Variants in TBC1D16 observed in about 807,000 individuals in gnomAD.
TBC1D16 encodes CTD-2529O21.1.
TBC1D16 carries 58 observed loss-of-function variants against 74.7 expected under a neutral mutation model. The observed-to-expected ratio is 0.78, with a 90% CI of 0.63 to 0.97. TBC1D16 has a LOEUF of 0.97. Ranked by LOEUF, TBC1D16 falls within the 50% of genes least tolerant of loss-of-function variation. The probability of loss-of-function intolerance (pLI) is 0.00; values close to 1 mark genes in which losing one functional copy is unlikely to be tolerated. For synonymous variants in TBC1D16, 493 were observed against 474.7 expected, an observed-to-expected ratio of 1.04 and a Z score of -0.50; for missense variants, 1,014 against 1,079.5, an observed-to-expected ratio of 0.94 and a Z score of 0.85.
At chr17:79,992,008 G>A (rs2035082166) in intron 3 of TBC1D16, 1 of 152,270 alleles carries the variant, frequency 6.6e-6, no homozygotes, top group African/African-American at 2.4e-5. Flanking sequence ...CCCCATCCTC[G>A]CCGGACCTCA....
rs1479239111 is a variant in TBC1D16 at position 79,951,445 on chromosome 17, G to A, written c.1089+5C>T. 2 of 1,612,820 alleles carry A rather than the reference G, an allele frequency of 1.2e-6. No individual in the cohort carries two copies. Among genetic ancestry groups the A allele is most frequent in the Non-Finnish European group, 1.7e-6 (2 of 1,179,350 alleles). ...TGGGCATTCTGGGGCCGTCTGCTGG[G>A]CTACCTGGTCTTTGAGCTGCATCTC... is the stretch of plus-strand genomic sequence containing the variant. On this transcript the variant is annotated splice_donor_5th_base_variant and intron_variant, in intron 5 of 11. Coordinates refer to ENST00000310924, the MANE Select transcript of TBC1D16 (RefSeq NM_019020.4).
At chr17:79,948,443 G>A (rs750257113) in intron 8 of TBC1D16, among the ~76,000 whole-genome samples, 1 of 152,224 alleles carries the variant, frequency 6.6e-6, no homozygotes, top group Non-Finnish European at 1.5e-5. Flanking sequence ...GGGTGGGCTG[G>A]CAGGGACATT....
intron 1 of TBC1D16, among the ~76,000 whole-genome samples, chr17:80,034,934 T>G (rs979541685): frequency 6.6e-6 from 1 of 152,240 alleles, no homozygotes; most frequent in African/African-American, 2.4e-5. Flanking sequence ...AAGCAGATCT[T>G]CAGGATCAAG....
rs1332074439 is a variant in TBC1D16 at position 79,941,877 on chromosome 17, G to T, written c.2055+183C>A. ...AGGCCGAGACAGGTGCTGACCACGA[G>T]GCCTTAGTGGGGAGCCCCCAGTGCT... On this transcript the variant is annotated intron_variant, in intron 11 of 11. Transcript: ENST00000310924. The surrounding 1 kb of genome is among the most constrained non-coding windows in gnomAD (Gnocchi z 4.3). Among the ~76,000 whole-genome samples, 2 of 150,622 alleles carry T rather than the reference G, an allele frequency of 1.3e-5. No individual in the cohort carries two copies. The highest frequency in any genetic ancestry group is 5.0e-5 in the African/African-American group (2 of 40,058).
At chr17:80,027,199 T>C (rs563819062) in intron 1 of TBC1D16, among the ~76,000 whole-genome samples, 3 of 152,334 alleles carry the variant, frequency 2.0e-5, no homozygotes, top group Admixed American at 6.5e-5. Context: ...CGGTAGCTCA[T>C]GTCTGCAATC....
chr17:80,030,971 G>A (rs1486892299), intron 1 of TBC1D16, among the ~76,000 whole-genome samples: 2 of 152,204 alleles, frequency 1.3e-5, no homozygotes, highest in Admixed American at 6.5e-5. Flanking sequence ...TATTAAACAC[G>A]AGCCAGACAC....
chr17:80,027,855 GCACTC>G (rs2036634391), intron 1 of TBC1D16, among the ~76,000 whole-genome samples: 1 of 132,686 alleles, frequency 7.5e-6, no homozygotes, highest in Non-Finnish European at 1.5e-5. Context: ...TCGCACCACT[GCACTC>G]CAGCCTGGGC....
chr17:79,932,360 C>T lies in TBC1D16; in HGVS notation c.*8499G>A, dbSNP rs2031306921. On this transcript the variant is annotated 3_prime_UTR_variant, in exon 12 of 12. Coordinates refer to ENST00000310924, the MANE Select transcript of TBC1D16 (RefSeq NM_019020.4). Reference sequence around the variant, plus strand: ...AACCTGGGTGACACTTATTATCCTTCAGTCTTTATTTTAAATAAGGCCCCT... The same window carrying T: ...AACCTGGGTGACACTTATTATCCTTTAGTCTTTATTTTAAATAAGGCCCCT... 6.6e-6 allele frequency: 1 copy of T among 152,256 alleles called. No homozygotes were observed. Among genetic ancestry groups the T allele is most frequent in the Non-Finnish European group, 1.5e-5 (1 of 68,054 alleles). 9.4% of individuals were successfully genotyped at this position (152,256 alleles called of 1,614,324 possible).
At position 79,944,359 on chromosome 17, in the gene TBC1D16, T is replaced by C. The variant is rs1239658882; in HGVS notation, c.1908+549A>G. ...GTCCCTAGTTTGGGCGTTAAGGCCA[T>C]GTGACAGAGCCAGTGCTGTGCTCCA... On this transcript the variant is annotated intron_variant, in intron 10 of 11. Coordinates refer to ENST00000310924, the MANE Select transcript of TBC1D16 (RefSeq NM_019020.4). This position sits in a 1 kb window ranked among gnomAD's most constrained non-coding sequence, Gnocchi z 7.7. Among the ~76,000 whole-genome samples, 1 of 152,170 alleles carries C rather than the reference T, an allele frequency of 6.6e-6. No homozygotes were observed. Among genetic ancestry groups the C allele is most frequent in the Non-Finnish European group, 1.5e-5 (1 of 68,024 alleles).
chr17:79,944,002 G>A lies in TBC1D16; in HGVS notation c.1908+906C>T. On this transcript the variant is annotated intron_variant, in intron 10 of 11. Coordinates refer to ENST00000310924, the MANE Select transcript of TBC1D16 (RefSeq NM_019020.4). This position sits in a 1 kb window ranked among gnomAD's most constrained non-coding sequence, Gnocchi z 7.7. ...CACGTCCAGCAGGCTGAGCCAGGAG[G>A]GAAACCTAGACCCGGGCCAGGGGCG... 6.5e-7 allele frequency: 1 copy of A among 1,531,394 alleles called. No individual in the cohort carries two copies. Among genetic ancestry groups the A allele is most frequent in the Non-Finnish European group, 8.7e-7 (1 of 1,143,380 alleles). 94.9% of individuals were successfully genotyped at this position (1,531,394 alleles called of 1,614,324 possible).
Position 79,983,619 on chromosome 17 carries a change from CAT to C in TBC1D16, c.779+26539_779+26540del, listed in dbSNP as rs1265774769. Among the ~76,000 whole-genome samples, 3 of 152,214 alleles carry C rather than the reference CAT, an allele frequency of 2.0e-5. No individual in the cohort carries two copies. Among genetic ancestry groups the C allele is most frequent in the Non-Finnish European group, 4.4e-5 (3 of 68,022 alleles). On this transcript the variant is annotated intron_variant, in intron 3 of 11. Coordinates refer to ENST00000310924, the MANE Select transcript of TBC1D16 (RefSeq NM_019020.4). This position sits in a 1 kb window ranked among gnomAD's most constrained non-coding sequence, Gnocchi z 5.6. ...GCAAGGCAGAATGTTGAGAAGTGCACATGTGTGCAAAGCCTGCTTTAGGAGAG... is the reference window on the plus strand; with the variant it reads ...GCAAGGCAGAATGTTGAGAAGTGCACGTGTGCAAAGCCTGCTTTAGGAGAG...
In TBC1D16 at chr17:79,990,832, T is replaced by A. The variant is rs2035029611; in HGVS notation, c.779+19328A>T. On this transcript the variant is annotated intron_variant, in intron 3 of 11. Transcript: ENST00000310924. This position sits in a 1 kb window ranked among gnomAD's most constrained non-coding sequence, Gnocchi z 4.8. ...CTCCAGGGGTCGCACACAAGTGGAA[T>A]CACACAGATTTGGCCCCTTATGTCT... 6.6e-6 allele frequency among the ~76,000 whole-genome samples: 1 copy of A among 152,180 alleles called. No individual in the cohort carries two copies. The highest frequency in any genetic ancestry group is 2.1e-4 in the South Asian group (1 of 4,832).
chr17:80,034,156 T>A (rs1468263318), intron 1 of TBC1D16, among the ~76,000 whole-genome samples: 1 of 152,162 alleles, frequency 6.6e-6, no homozygotes, highest in Non-Finnish European at 1.5e-5. Context: ...TCACCAAAAT[T>A]GCTAGAGGAT....
rs1385010348 is a variant in TBC1D16 at position 79,961,859 on chromosome 17, A to G, written c.780-9041T>C. 6.6e-6 allele frequency among the ~76,000 whole-genome samples: 1 copy of G among 152,202 alleles called. No individual in the cohort carries two copies. Among genetic ancestry groups the G allele is most frequent in the Non-Finnish European group, 1.5e-5 (1 of 68,030 alleles). ...GCCTAGGCAAGAAGAGCAAAACTCC[A>G]TCTCAAAAAAATAAAAATAAAAATA... On this transcript the variant is annotated intron_variant, in intron 3 of 11. Coordinates refer to ENST00000310924, the MANE Select transcript of TBC1D16 (RefSeq NM_019020.4). This position sits in a 1 kb window ranked among gnomAD's most constrained non-coding sequence, Gnocchi z 4.8.
rs1335316067 is a variant in TBC1D16 at position 79,990,780 on chromosome 17, C to A, written c.779+19380G>T. Among the ~76,000 whole-genome samples, 1 of 152,226 alleles carries A rather than the reference C, an allele frequency of 6.6e-6. No homozygotes were observed. Among genetic ancestry groups the A allele is most frequent in the Admixed American group, 6.5e-5 (1 of 15,280 alleles). ...TCCCCTCCCTCAGCCCCTGGCACCC[C>A]AATCTTTCCCTCTCTGAGCCTGACA... On this transcript the variant is annotated intron_variant, in intron 3 of 11. Coordinates refer to ENST00000310924, the MANE Select transcript of TBC1D16 (RefSeq NM_019020.4). The surrounding 1 kb of genome is among the most constrained non-coding windows in gnomAD (Gnocchi z 4.8).
chr17:79,949,821 G>C lies in TBC1D16; in HGVS notation c.1302C>G (p.Val434=), dbSNP rs1472074987. ...GGIDVSIRGE[V]WPFLLRYYSH... is the part of the protein sequence containing the mutation. ...TGTAATAGCGCAGCAGGAAGGGCCAGACCTCCCCGCGGATTGACACATCAA... is the reference window on the plus strand; with the variant it reads ...TGTAATAGCGCAGCAGGAAGGGCCACACCTCCCCGCGGATTGACACATCAA... Residue 434 remains valine, a synonymous_variant, in exon 7 of 12, where the codon GTC becomes GTG. Transcript: ENST00000310924. 4 of 1,613,810 alleles carry C rather than the reference G, an allele frequency of 2.5e-6. No individual in the cohort carries two copies. In the South Asian group the frequency reaches 3.3e-5, roughly 13 times the overall value.
intron 3 of TBC1D16, chr17:79,992,114 GACGCCTCTCTGCAGGCTCCCCTC>G (rs2035088180): frequency 6.6e-6 from 1 of 152,294 alleles, no homozygotes; most frequent in Non-Finnish European, 1.5e-5. Flanking sequence ...ACCCTACAAA[GACGCCTCTCTGCAGGCTCCCCTC>G]ATGCTGCGGG....
At chr17:80,013,009 C>A (rs558927055) in intron 2 of TBC1D16, among the ~76,000 whole-genome samples, 79 of 152,336 alleles carry the variant, frequency 5.2e-4, no homozygotes, top group Non-Finnish European at 9.6e-4. Context: ...GGGGCCCTGG[C>A]CACTCCCATG....
Position 79,944,119 on chromosome 17 carries a change from G to A in TBC1D16, c.1908+789C>T, listed in dbSNP as rs552770058. On this transcript the variant is annotated intron_variant, in intron 10 of 11. Transcript: ENST00000310924. The surrounding 1 kb of genome is among the most constrained non-coding windows in gnomAD (Gnocchi z 7.7). ...CAGACATCAGCCCCCTGCGGTGTGAGTGAGGACAGGAGACGCTGACGCAAA... is the reference window on the plus strand; with the variant it reads ...CAGACATCAGCCCCCTGCGGTGTGAATGAGGACAGGAGACGCTGACGCAAA... 1.3e-6 allele frequency: 2 copies of A among 1,536,068 alleles called. No homozygotes were observed. Among genetic ancestry groups the A allele is most frequent in the Middle Eastern group, 1.7e-4 (1 of 5,990 alleles).
Sources: gnomAD v4.1 joint callset for allele counts (sites outside exome capture counted in the v4.1 genomes callset) on GRCh38, gnomAD v4.1.1 for gene constraint, Gnocchi (gnomAD v3.1) non-coding constraint, MANE v1.5 for transcripts, NCBI Gene and HGNC (gene_info 2026-07-23, HGNC 2026-07-21) for gene names.